The following SPAG16 variants were observed in gnomAD, a reference collection of about 807,000 sequenced individuals.
SPAG16 encodes the protein sperm associated antigen 16, also known as sperm-associated antigen 16 protein.
Under a neutral mutation model 80.4 loss-of-function variants are expected in SPAG16, and 86 were observed. The observed-to-expected ratio is 1.07, with a 90% CI of 0.90 to 1.28. The LOEUF is 1.28. Among genes scored for constraint, SPAG16 ranks in the 50% most tolerant of loss-of-function variants. The pLI, the probability that SPAG16 is intolerant of heterozygous loss-of-function variation, is 0.00. For missense variants in SPAG16, 870 were observed against 765.3 expected, an observed-to-expected ratio of 1.14 and a Z score of -1.61; for synonymous variants, 294 against 265.9, an observed-to-expected ratio of 1.11 and a Z score of -1.03.
In SPAG16 at chr2:213,620,758, T is replaced by G. The variant is rs193081988; in HGVS notation, c.1070+130668T>G. 1.2e-4 allele frequency among the ~76,000 whole-genome samples: 18 copies of G among 152,320 alleles called. 1 individual carries two copies. In the East Asian group the frequency reaches 3.1e-3, roughly 26 times the overall value. On this transcript the variant is annotated intron_variant, in intron 10 of 15. Coordinates refer to ENST00000331683, the MANE Select transcript of SPAG16 (RefSeq NM_024532.5). ...CTGTAACCATAAATACATACAATGATTCTATATAAAGATAAAATGAAAAGT... is the reference window on the plus strand; with the variant it reads ...CTGTAACCATAAATACATACAATGAGTCTATATAAAGATAAAATGAAAAGT...
Position 214,018,249 on chromosome 2 carries a change from T to C in SPAG16, c.1527+4172T>C, listed in dbSNP as rs570972889. On this transcript the variant is annotated intron_variant, in intron 13 of 15. Coordinates refer to ENST00000331683, the MANE Select transcript of SPAG16 (RefSeq NM_024532.5). ...GCGACTTCATTTCAGATATAGCTAA[T>C]TTATTAAAAAACAAAACAAAACAAA... Among the ~76,000 whole-genome samples, 7 of 152,248 alleles carry C rather than the reference T, an allele frequency of 4.6e-5. No individual in the cohort carries two copies. The South Asian group carries it at 1.0e-3, about 23-fold the overall frequency.
intron 10 of SPAG16, among the ~76,000 whole-genome samples, chr2:213,775,375 G>A (rs1284738283): frequency 6.6e-6 from 1 of 152,056 alleles, no homozygotes; most frequent in Non-Finnish European, 1.5e-5. Flanking sequence ...TATGCATATA[G>A]CTGTGAAATT....
At chr2:213,987,789 A>T (rs573117004) in intron 12 of SPAG16, among the ~76,000 whole-genome samples, 1 of 148,654 alleles carries the variant, frequency 6.7e-6, no homozygotes, top group African/African-American at 2.4e-5. Flanking sequence ...TAACAGAAAA[A>T]CTATATAATT....
intron 10 of SPAG16, among the ~76,000 whole-genome samples, chr2:213,769,523 A>G (rs2069127050): frequency 6.6e-6 from 1 of 152,116 alleles, no homozygotes; most frequent in African/African-American, 2.4e-5. Flanking sequence ...GCTTCTCAGT[A>G]CCAGTATCAG....
chr2:213,450,967 G>A (rs980899028), intron 9 of SPAG16, among the ~76,000 whole-genome samples: 9 of 152,084 alleles, frequency 5.9e-5, no homozygotes, highest in African/African-American at 2.2e-4. Context: ...AAAACCTGAA[G>A]CAAAATTGAT....
chr2:213,513,916 A>G lies in SPAG16; in HGVS notation c.1070+23826A>G, dbSNP rs143316429. Among the ~76,000 whole-genome samples, 131 of 152,326 alleles carry G rather than the reference A, an allele frequency of 8.6e-4. 1 individual carries two copies. The highest frequency in any genetic ancestry group is 1.4e-3 in the Admixed American group (22 of 15,292). ...GAGGAAGAAAACTTCTCTCTCAATC[A>G]TAGATTGCAAATCTTTTCTTATAGC... On this transcript the variant is annotated intron_variant, in intron 10 of 15. Coordinates refer to ENST00000331683, the MANE Select transcript of SPAG16 (RefSeq NM_024532.5).
At position 213,310,101 on chromosome 2, in the gene SPAG16, G is replaced by C. The variant is rs770524968; in HGVS notation, c.322G>C (p.Val108Leu). 2.5e-6 allele frequency: 4 copies of C among 1,611,546 alleles called. No homozygotes were observed. The highest frequency in any genetic ancestry group is 3.4e-6 in the Non-Finnish European group (4 of 1,178,576). ...TCCTTCAAAGCATGCAGTACCTGAA[G>C]TAATAGAAGACTTTCTCTGCAATTT... The part of the protein sequence containing the change: ...VLPSKHAVPE[V>L]IEDFLCNFLI... Residue 108 changes from valine to leucine, a missense_variant, in exon 4 of 16, where the codon GTA becomes CTA. Val to Leu is a conservative substitution (Grantham distance 32). Coordinates refer to ENST00000331683, the MANE Select transcript of SPAG16 (RefSeq NM_024532.5).
At chr2:213,567,338 T>C (rs2059807583) in intron 10 of SPAG16, among the ~76,000 whole-genome samples, 2 of 126,776 alleles carry the variant, frequency 1.6e-5, no homozygotes, top group African/African-American at 3.1e-5. Context: ...CCCACTAATG[T>C]GTCATCTAGC....
intron 15 of SPAG16, among the ~76,000 whole-genome samples, chr2:214,312,285 T>G (rs1478671400): frequency 6.6e-6 from 1 of 152,230 alleles, no homozygotes; most frequent in Non-Finnish European, 1.5e-5. Flanking sequence ...TTTAGAGCTG[T>G]ATTATCTCTC....
At chr2:214,080,917 T>G (rs2051354669) in intron 13 of SPAG16, among the ~76,000 whole-genome samples, 1 of 151,996 alleles carries the variant, frequency 6.6e-6, no homozygotes, top group Non-Finnish European at 1.5e-5. Flanking sequence ...CCCAGAGTTT[T>G]CAATTGAATA....
At chr2:213,748,121 C>T (rs1213721201) in intron 10 of SPAG16, among the ~76,000 whole-genome samples, 4 of 152,026 alleles carry the variant, frequency 2.6e-5, no homozygotes, top group African/African-American at 9.7e-5. Flanking sequence ...ACTTACAGCA[C>T]AGTTCATGAA....
chr2:213,792,576 C>CTTTTTTTTTTTTTTTTTTTTTTTTTTTT (rs11372174), intron 10 of SPAG16, among the ~76,000 whole-genome samples: 1 of 78,258 alleles, frequency 1.3e-5, no homozygotes. Context: ...AAATGAGTAT[C>CTTTTTTTTTTTTTTTTTTTTTTTTTTTT]TTTTTTTTTT....
At chr2:213,902,762 A>G (rs1015157273) in intron 11 of SPAG16, among the ~76,000 whole-genome samples, 2 of 152,180 alleles carry the variant, frequency 1.3e-5, no homozygotes, top group African/African-American at 4.8e-5. Context: ...AAAAGTCCAC[A>G]GTCCAAAGTC....
chr2:213,675,574 G>T (rs565907538), intron 10 of SPAG16, among the ~76,000 whole-genome samples: 2 of 152,294 alleles, frequency 1.3e-5, no homozygotes, highest in South Asian at 4.1e-4. Flanking sequence ...AAGGTGTAAG[G>T]AAGGGATCCA....
chr2:213,804,890 C>G (rs2071671423), intron 10 of SPAG16, among the ~76,000 whole-genome samples: 1 of 152,270 alleles, frequency 6.6e-6, no homozygotes, highest in Middle Eastern at 3.4e-3. Context: ...CGTCGTGCCT[C>G]TTAAGCCAAA....
At chr2:214,140,173 T>G (rs1294894926) in intron 14 of SPAG16, among the ~76,000 whole-genome samples, 1 of 152,132 alleles carries the variant, frequency 6.6e-6, no homozygotes, top group Non-Finnish European at 1.5e-5. Flanking sequence ...TAAATCTCTT[T>G]AAATATTTTG....
At chr2:213,989,737 T>C (rs1325008016) in intron 12 of SPAG16, among the ~76,000 whole-genome samples, 1 of 152,148 alleles carries the variant, frequency 6.6e-6, no homozygotes, top group East Asian at 1.9e-4. Flanking sequence ...AATTGTATAA[T>C]GTTCAAATCG....
chr2:214,016,938 T>A (rs1389767314), intron 13 of SPAG16, among the ~76,000 whole-genome samples: 3 of 152,136 alleles, frequency 2.0e-5, no homozygotes, highest in African/African-American at 7.2e-5. Context: ...TAAAGGAATA[T>A]GGTAATGGAC....
At chr2:213,984,442 A>G (rs9288483) in intron 12 of SPAG16, among the ~76,000 whole-genome samples, 40,866 of 152,000 alleles carry the variant, frequency 0.27, 6,378 homozygotes, top group South Asian at 0.58. Flanking sequence ...ATGGATAGCA[A>G]AGCTCACATA....
Sources: allele counts gnomAD v4.1 joint callset (sites outside exome capture counted in the v4.1 genomes callset), GRCh38; gene constraint gnomAD v4.1.1; transcripts MANE v1.5; gene names NCBI Gene and HGNC (gene_info 2026-07-23, HGNC 2026-07-21).